Variants in DMC1 observed in about 807,000 individuals in gnomAD.
The protein encoded by DMC1 is DNA meiotic recombinase 1.
Under a neutral mutation model 50.1 loss-of-function variants are expected in DMC1, and 27 were observed. That is an observed-to-expected ratio of 0.54 (90% CI 0.40 to 0.74). The LOEUF (loss-of-function observed/expected upper bound fraction) is 0.74. Among genes scored for constraint, DMC1 ranks in the 30% least tolerant of loss-of-function variants. The pLI is 0.00. For synonymous variants in DMC1, 148 were observed against 136.1 expected, an observed-to-expected ratio of 1.09 and a Z score of -0.61; for missense variants, 295 against 420.2, an observed-to-expected ratio of 0.70 and a Z score of 2.60.
intron 8 of DMC1, among the ~76,000 whole-genome samples, chr22:38,547,335 A>T (rs545113311): frequency 6.6e-6 from 1 of 152,226 alleles, no homozygotes; most frequent in Admixed American, 6.5e-5. Context: ...AATTTTGATA[A>T]CAAAGTATGT....
At chr22:38,540,574 A>G (rs1422399524) in intron 8 of DMC1, among the ~76,000 whole-genome samples, 1 of 152,206 alleles carries the variant, frequency 6.6e-6, no homozygotes, top group Non-Finnish European at 1.5e-5. Context: ...GTGTTTACAT[A>G]ACACTGATCC....
chr22:38,519,730 G>A lies in DMC1; in HGVS notation c.*290C>T, dbSNP rs529263610. On this transcript the variant is annotated 3_prime_UTR_variant, in exon 14 of 14. Transcript: ENST00000216024. The stretch of plus-strand genomic sequence containing the variant: ...TTCCATAGGTATATATACATACACA[G>A]AGTGAGAGAATTTCAATAGGTATAT... The A allele has an allele frequency of 2.3e-4, 87 of 379,782 alleles. 1 individual carries two copies. The Admixed American group carries it at 3.2e-3, about 14-fold the overall frequency. 23.5% of individuals were successfully genotyped at this position (379,782 alleles called of 1,614,324 possible).
intron 2 of DMC1, 55 bp from the exon 3 acceptor site, chr22:38,567,682 T>A: frequency 7.5e-7 from 1 of 1,332,102 alleles, no homozygotes; most frequent in South Asian, 1.2e-5. Flanking sequence ...TCCAGCTATT[T>A]CACATCTTTT....
At chr22:38,555,842 T>G (rs11570399) in intron 5 of DMC1, among the ~76,000 whole-genome samples, 1 of 151,796 alleles carries the variant, frequency 6.6e-6, no homozygotes, top group Admixed American at 6.6e-5. Flanking sequence ...TATTATTTTT[T>G]TTTTTTCGAG....
At chr22:38,564,801 A>C (rs2090565265) in intron 4 of DMC1, among the ~76,000 whole-genome samples, 1 of 152,224 alleles carries the variant, frequency 6.6e-6, no homozygotes, top group Non-Finnish European at 1.5e-5. Context: ...GTACTGCTCC[A>C]GGGCTTTCTT....
chr22:38,514,325 A>T (rs1602700118), downstream of DMC1, among the ~76,000 whole-genome samples: 1 of 140,022 alleles, frequency 7.1e-6, no homozygotes, highest in South Asian at 2.2e-4. Context: ...GCTCACTGCA[A>T]CCTCCACCTC....
In DMC1 at chr22:38,568,268, G is replaced by A. The variant is rs745986107; in HGVS notation, c.-12C>T. 1.2e-6 allele frequency: 2 copies of A among 1,613,758 alleles called. No individual in the cohort carries two copies. Among genetic ancestry groups the A allele is most frequent in the East Asian group, 4.5e-5 (2 of 44,866 alleles). On this transcript the variant is annotated 5_prime_UTR_variant, in exon 2 of 14. Transcript: ENST00000216024. ...TGATCCTCCTTCATATTGAAAAGTG[G>A]GCAACAGAAAAATAATCACTTCTGG...
chr22:38,554,979 G>C lies in DMC1; in HGVS notation c.379+378C>G, dbSNP rs571885714. 2.1e-4 allele frequency among the ~76,000 whole-genome samples: 32 copies of C among 150,650 alleles called. No homozygotes were observed. In the South Asian group the frequency reaches 6.8e-3, roughly 32 times the overall value. On this transcript the variant is annotated intron_variant, in intron 6 of 13. Coordinates refer to ENST00000216024, the MANE Select transcript of DMC1 (RefSeq NM_007068.4). ...GGCGCCTGTAGTCCCAGCTACTCGG[G>C]AGGCTGAGGCAGGAGAATGGCGTGA...
chr22:38,543,907 G>A (rs1484455479), intron 8 of DMC1, among the ~76,000 whole-genome samples: 2 of 152,276 alleles, frequency 1.3e-5, no homozygotes, highest in African/African-American at 4.8e-5. Context: ...AATTAGCTTA[G>A]ACTGTGCAGT....
intron 12 of DMC1, among the ~76,000 whole-genome samples, chr22:38,530,434 T>C (rs991178432): frequency 2.6e-5 from 4 of 152,136 alleles, no homozygotes; most frequent in African/African-American, 7.2e-5. Context: ...TACACTTTTT[T>C]CAACATTTTA....
Position 38,552,553 on chromosome 22 carries a change from G to A in DMC1, c.421+113C>T, listed in dbSNP as rs921450842. The A allele has an allele frequency of 7.0e-6, 6 of 854,652 alleles. No individual in the cohort carries two copies. The African/African-American group carries it at 8.4e-5, about 12-fold the overall frequency. The allele number at this position is 854,652 out of a possible 1,614,324, so 52.9% of individuals were successfully genotyped here. A position where few individuals can be genotyped will look rare whatever the true frequency, so the allele number is the denominator to read the frequency against. ...GTTTACTTAATCTGCCTGTGTTTTAGTTTCCTTGCAAGTATGTTCAGATAT... is the reference window on the plus strand; with the variant it reads ...GTTTACTTAATCTGCCTGTGTTTTAATTTCCTTGCAAGTATGTTCAGATAT... On this transcript the variant is annotated intron_variant, in intron 7 of 13. Transcript: ENST00000216024.
At chr22:38,523,182 C>G (rs910750252) in intron 12 of DMC1, among the ~76,000 whole-genome samples, 3 of 152,156 alleles carry the variant, frequency 2.0e-5, no homozygotes, top group African/African-American at 7.2e-5. Flanking sequence ...AAAGTAGTAG[C>G]CAGACAGTTG....
chr22:38,559,363 T>G (rs749492578), intron 5 of DMC1, among the ~76,000 whole-genome samples: 13 of 151,684 alleles, frequency 8.6e-5, no homozygotes, highest in Non-Finnish European at 1.5e-4. Flanking sequence ...GAGACAGGGT[T>G]TCACCATGTT....
chr22:38,539,847 G>C (rs990553028), intron 8 of DMC1, among the ~76,000 whole-genome samples: 2 of 152,134 alleles, frequency 1.3e-5, no homozygotes, highest in African/African-American at 4.8e-5. Flanking sequence ...AAATAGACCT[G>C]TAATAGATAA....
At chr22:38,548,389 C>A (rs538681408) in intron 8 of DMC1, among the ~76,000 whole-genome samples, 1 of 152,132 alleles carries the variant, frequency 6.6e-6, no homozygotes. Flanking sequence ...GCCTGGGCAA[C>A]GTGGTGAAAC....
intron 4 of DMC1, among the ~76,000 whole-genome samples, chr22:38,562,934 A>G (rs1287134131): frequency 6.6e-6 from 1 of 151,958 alleles, no homozygotes. Flanking sequence ...TGCCCGGCTA[A>G]TTTTTTGTAT....
chr22:38,540,590 T>A (rs1457735516), intron 8 of DMC1, among the ~76,000 whole-genome samples: 1 of 152,220 alleles, frequency 6.6e-6, no homozygotes, highest in Non-Finnish European at 1.5e-5. Flanking sequence ...GATCCCAGTA[T>A]AAGTAACTGT....
the DMC1 span, among the ~76,000 whole-genome samples, chr22:38,510,086 A>T: frequency 1.3e-5 from 2 of 152,004 alleles, no homozygotes; most frequent in African/African-American, 4.8e-5. Flanking sequence ...GTGATGGCGC[A>T]TGCCTGTAGC....
intron 6 of DMC1, among the ~76,000 whole-genome samples, chr22:38,554,149 T>C (rs1029202568): frequency 6.0e-5 from 9 of 151,176 alleles, no homozygotes; most frequent in Non-Finnish European, 8.8e-5. Flanking sequence ...AATAAATAAA[T>C]GAAAATAAAA....
Sources: gnomAD v4.1 joint callset for allele counts (sites outside exome capture counted in the v4.1 genomes callset) on GRCh38, gnomAD v4.1.1 for gene constraint, MANE v1.5 for transcripts, NCBI Gene and HGNC (gene_info 2026-07-23, HGNC 2026-07-21) for gene names.